Variants in SCHIP1 observed in about 807,000 individuals in gnomAD.
The protein encoded by SCHIP1 is schwannomin-interacting protein 1.
SCHIP1 carries 8 observed loss-of-function variants against 29.7 expected under a neutral mutation model. That is an observed-to-expected ratio of 0.27 (90% CI 0.16 to 0.49). SCHIP1 has a LOEUF of 0.49. SCHIP1 is among the 20% of genes least tolerant of loss of function. The pLI is 0.99. For missense variants in SCHIP1, 193 were observed against 294.6 expected (o/e 0.66, Z 2.52); for synonymous variants, 76 against 94.9 (o/e 0.80, Z 1.16).
At chr3:159,806,671 C>T in the SCHIP1 span, among the ~76,000 whole-genome samples, 3 of 152,350 alleles carry the variant, frequency 2.0e-5, no homozygotes, top group African/African-American at 4.8e-5. Context: ...TGTAGAAATC[C>T]TGACAGCTGT....
At chr3:159,763,930 C>CGGGCGGGGAAGGGGCG in the SCHIP1 span, 1 of 149,522 alleles carries the variant, frequency 6.7e-6, no homozygotes, top group Non-Finnish European at 1.5e-5. Context: ...CTCCCAGCCG[C>CGGGCGGGGAAGGGGCG]GGGCGGGGAA....
the SCHIP1 span, among the ~76,000 whole-genome samples, chr3:159,751,876 A>G: frequency 4.1e-3 from 631 of 152,250 alleles, 5 homozygotes; most frequent in African/African-American, 0.015. Context: ...TGTAATTCCC[A>G]ATGTTGGAGG....
the SCHIP1 span, among the ~76,000 whole-genome samples, chr3:159,736,745 T>C: frequency 5.9e-5 from 9 of 151,952 alleles, no homozygotes; most frequent in South Asian, 6.2e-4. Flanking sequence ...TCTTTTTTTT[T>C]TTTTTTTGAG....
the SCHIP1 span, among the ~76,000 whole-genome samples, chr3:159,393,634 C>T: frequency 7.2e-4 from 107 of 148,862 alleles, 2 homozygotes; most frequent in African/African-American, 2.1e-3. Context: ...AGATATGTGG[C>T]GTTATTTCTG....
the SCHIP1 span, among the ~76,000 whole-genome samples, chr3:159,622,591 C>T: frequency 1.3e-5 from 2 of 152,098 alleles, no homozygotes; most frequent in Admixed American, 1.3e-4. Context: ...AAATGTTCCC[C>T]TTAATAATAC....
At chr3:159,574,486 C>T in the SCHIP1 span, among the ~76,000 whole-genome samples, 6 of 152,186 alleles carry the variant, frequency 3.9e-5, no homozygotes, top group Non-Finnish European at 8.8e-5. Context: ...CTGGAAGCTT[C>T]GTCCCAGAGG....
chr3:159,636,614 TAGA>T, the SCHIP1 span, among the ~76,000 whole-genome samples: 2 of 152,216 alleles, frequency 1.3e-5, no homozygotes, highest in African/African-American at 4.8e-5. Context: ...AATTTAAATG[TAGA>T]AGTGATAGGC....
chr3:159,426,332 T>TA, the SCHIP1 span, among the ~76,000 whole-genome samples: 1 of 151,726 alleles, frequency 6.6e-6, no homozygotes, highest in Non-Finnish European at 1.5e-5. Context: ...ATAGACGCAA[T>TA]AAAAAATGAC....
the SCHIP1 span, among the ~76,000 whole-genome samples, chr3:159,610,750 T>C: frequency 6.6e-6 from 1 of 152,130 alleles, no homozygotes; most frequent in African/African-American, 2.4e-5. Flanking sequence ...AAAATCTCTA[T>C]TGCTCTTCAG....
the SCHIP1 span, among the ~76,000 whole-genome samples, chr3:159,466,066 G>A: frequency 6.6e-6 from 1 of 152,026 alleles, no homozygotes; most frequent in South Asian, 2.1e-4. Flanking sequence ...TCTTTCAAAG[G>A]AGAACTATAT....
At chr3:159,712,495 T>C in the SCHIP1 span, among the ~76,000 whole-genome samples, 5 of 150,552 alleles carry the variant, frequency 3.3e-5, no homozygotes, top group African/African-American at 1.2e-4. Flanking sequence ...GGCAGGAGGA[T>C]CACTTGAGCC....
At chr3:159,406,349 A>T in the SCHIP1 span, among the ~76,000 whole-genome samples, 1 of 152,188 alleles carries the variant, frequency 6.6e-6, no homozygotes, top group African/African-American at 2.4e-5. Flanking sequence ...CAACAACAAC[A>T]ACAAAAACTT....
At chr3:159,330,877 C>T in the SCHIP1 span, among the ~76,000 whole-genome samples, 1 of 152,128 alleles carries the variant, frequency 6.6e-6, no homozygotes, top group Non-Finnish European at 1.5e-5. Context: ...CTTTACATCC[C>T]AGTAGCTCCC....
the SCHIP1 span, among the ~76,000 whole-genome samples, chr3:159,500,866 ATGT>A: frequency 6.6e-6 from 1 of 152,124 alleles, no homozygotes; most frequent in South Asian, 2.1e-4. Flanking sequence ...TCATAATTCT[ATGT>A]TATACTTATA....
the SCHIP1 span, among the ~76,000 whole-genome samples, chr3:159,570,244 C>A: frequency 6.6e-6 from 1 of 152,140 alleles, no homozygotes; most frequent in African/African-American, 2.4e-5. Flanking sequence ...ATGGTATTGC[C>A]TAGGTTTTCT....
chr3:159,854,225 T>C (rs1316086970), intron 1 of SCHIP1, among the ~76,000 whole-genome samples: 1 of 152,232 alleles, frequency 6.6e-6, no homozygotes. Flanking sequence ...TATCAGTTAA[T>C]GATAGAACAG....
chr3:159,679,371 G>A, the SCHIP1 span, among the ~76,000 whole-genome samples: 4 of 152,142 alleles, frequency 2.6e-5, no homozygotes, highest in Non-Finnish European at 5.9e-5. Context: ...GAAGTTGAGA[G>A]CATCTCGACA....
chr3:159,848,374 G>A (rs1447645870), intron 1 of SCHIP1, among the ~76,000 whole-genome samples: 1 of 152,194 alleles, frequency 6.6e-6, no homozygotes, highest in Admixed American at 6.5e-5. Context: ...AGAAGGATAG[G>A]AGTGGCTGTC....
At chr3:159,346,273 T>C in the SCHIP1 span, among the ~76,000 whole-genome samples, 3 of 140,866 alleles carry the variant, frequency 2.1e-5, no homozygotes, top group Non-Finnish European at 4.6e-5. Context: ...TTCAGGTTTT[T>C]TTTTTCTTAA....
Sources: allele counts gnomAD v4.1 joint callset (sites outside exome capture counted in the v4.1 genomes callset), GRCh38; gene constraint gnomAD v4.1.1; transcripts MANE v1.5; gene names NCBI Gene and HGNC (gene_info 2026-07-23, HGNC 2026-07-21).